The following DGKI variants were observed in gnomAD, a reference collection of about 807,000 sequenced individuals.
DGKI encodes the protein DAG kinase iota.
In DGKI, 55 loss-of-function variants were observed where a neutral mutation model predicts 147.5. The observed-to-expected ratio is 0.37, with a 90% CI of 0.30 to 0.47. The LOEUF is 0.47. DGKI is among the 20% of genes least tolerant of loss of function. The pLI is 1.00. For synonymous variants in DGKI, 469 were observed against 477.1 expected (o/e 0.98, Z 0.22); for missense variants, 1,007 against 1,323.8 (o/e 0.76, Z 3.71).
rs1378717541 is a variant in DGKI, at chr7:137,387,597, T to C, written c.*3623A>G. The C allele has an allele frequency of 6.6e-6, 1 of 152,198 alleles. No homozygotes were observed. The highest frequency in any genetic ancestry group is 1.9e-4 in the East Asian group (1 of 5,192). The allele number at this position is 152,198 out of a possible 1,614,324, so 9.4% of individuals were successfully genotyped here. A position where few individuals can be genotyped will look rare whatever the true frequency, so the allele number is the denominator to read the frequency against. Reference sequence around the variant, plus strand: ...AAATGTATATGCGTATATACATACATACTTGTGCATGAACGGATGGGGTAT... The same window carrying C: ...AAATGTATATGCGTATATACATACACACTTGTGCATGAACGGATGGGGTAT... On this transcript the variant is annotated 3_prime_UTR_variant, in exon 33 of 33. Coordinates refer to ENST00000614521, the MANE Select transcript of DGKI (RefSeq NM_001321708.2).
At chr7:137,624,988 G>T (rs1396665320) in intron 6 of DGKI, among the ~76,000 whole-genome samples, 1 of 152,116 alleles carries the variant, frequency 6.6e-6, no homozygotes, top group Non-Finnish European at 1.5e-5. Flanking sequence ...AGACAACCAG[G>T]ACTGGTTTCA....
intron 1 of DGKI, among the ~76,000 whole-genome samples, chr7:137,746,261 T>C (rs1795325967): frequency 6.6e-6 from 1 of 152,318 alleles, no homozygotes; most frequent in South Asian, 2.1e-4. Context: ...TTTTGGGTGA[T>C]GGAGCTGGAC....
Position 137,399,525 on chromosome 7 carries a change from C to A in DGKI, c.2921-2112G>T, listed in dbSNP as rs550161638. Reference sequence around the variant, plus strand: ...AATCCCAGCTCTATATAGACTAGGTCTTGGCCAAGTCTAATTAATCTCTCA... The same window carrying A: ...AATCCCAGCTCTATATAGACTAGGTATTGGCCAAGTCTAATTAATCTCTCA... On this transcript the variant is annotated intron_variant, in intron 30 of 32. Coordinates refer to ENST00000614521, the MANE Select transcript of DGKI (RefSeq NM_001321708.2). Among the ~76,000 whole-genome samples the A allele has an allele frequency of 3.3e-5, 5 of 152,262 alleles. No individual in the cohort carries two copies. In the South Asian group the frequency reaches 1.0e-3, roughly 32 times the overall value.
At chr7:137,443,988 A>G (rs763678538) in intron 28 of DGKI, 89 bp downstream of exon 28, 254 of 1,113,294 alleles carry the variant, frequency 2.3e-4, no homozygotes, top group Admixed American at 4.4e-4. Flanking sequence ...ACATTTGCTT[A>G]AACAATTATT....
At chr7:137,777,033 A>AT (rs929472233) in intron 1 of DGKI, among the ~76,000 whole-genome samples, 23 of 151,792 alleles carry the variant, frequency 1.5e-4, no homozygotes, top group Admixed American at 1.4e-3. Context: ...AAAAAAAAAA[A>AT]TTTTTTTTAA....
At chr7:137,831,983 G>A (rs1453545501) in intron 1 of DGKI, among the ~76,000 whole-genome samples, 1 of 152,232 alleles carries the variant, frequency 6.6e-6, no homozygotes, top group Non-Finnish European at 1.5e-5. Context: ...AAATCTTAAA[G>A]CTTAAAATGA....
intron 21 of DGKI, among the ~76,000 whole-genome samples, chr7:137,498,167 A>G (rs1241859822): frequency 6.6e-6 from 1 of 151,842 alleles, no homozygotes; most frequent in Non-Finnish European, 1.5e-5. Context: ...GAAAATAAAA[A>G]TTTGATAAAA....
intron 8 of DGKI, among the ~76,000 whole-genome samples, chr7:137,617,124 C>CAAAAAAAAAAAAA (rs60654879): frequency 2.1e-5 from 1 of 48,130 alleles, no homozygotes; most frequent in Non-Finnish European, 4.8e-5. Context: ...TCCCTTTTAC[C>CAAAAAAAAAAAAA]AAAAAAAAAA....
intron 6 of DGKI, among the ~76,000 whole-genome samples, chr7:137,638,659 CAT>C (rs1554446670): frequency 4.7e-5 from 3 of 64,154 alleles, no homozygotes; most frequent in South Asian, 5.3e-4. Flanking sequence ...TATATACACA[CAT>C]ATGTATATAT....
At chr7:137,722,394 C>G (rs189498499) in intron 1 of DGKI, 32 of 1,611,984 alleles carry the variant, frequency 2.0e-5, no homozygotes, top group Non-Finnish European at 2.5e-5. Context: ...TCAGTCAGCA[C>G]GTGAGAAAAC....
chr7:137,661,055 T>A (rs1373489829), intron 3 of DGKI, among the ~76,000 whole-genome samples: 1 of 152,148 alleles, frequency 6.6e-6, no homozygotes, highest in East Asian at 1.9e-4. Context: ...CAAGGCTGGC[T>A]GTCCCCTTCT....
At chr7:137,511,081 A>G (rs1474055783) in intron 21 of DGKI, among the ~76,000 whole-genome samples, 1 of 152,238 alleles carries the variant, frequency 6.6e-6, no homozygotes, top group Admixed American at 6.5e-5. Flanking sequence ...TAACTAGTGC[A>G]TAAAATTGTG....
chr7:137,692,637 A>C (rs1042228269), intron 1 of DGKI, among the ~76,000 whole-genome samples: 41 of 152,316 alleles, frequency 2.7e-4, no homozygotes, highest in African/African-American at 9.4e-4. Context: ...GAAATAATCA[A>C]ATTAGGATTC....
At position 137,750,272 on chromosome 7, in the gene DGKI, C is replaced by T. The variant is rs76167165; in HGVS notation, c.402-60270G>A. Among the ~76,000 whole-genome samples the T allele has an allele frequency of 6.6e-3, 1,003 of 152,212 alleles. 9 individuals carry two copies. The highest frequency in any genetic ancestry group is 0.023 in the African/African-American group (965 of 41,538). On this transcript the variant is annotated intron_variant, in intron 1 of 32. Transcript: ENST00000614521. ...AGCTGGTGAGTAGGTAGTGCTGAGG[C>T]CTAGATGCAGGTCTTCCTACTCCTG...
intron 28 of DGKI, among the ~76,000 whole-genome samples, chr7:137,429,491 G>A (rs924342946): frequency 6.7e-6 from 1 of 149,756 alleles, no homozygotes; most frequent in African/African-American, 2.4e-5. Flanking sequence ...ACATAGGCAT[G>A]GGCAAGGACT....
At chr7:137,601,632 G>A (rs975624945) in intron 10 of DGKI, among the ~76,000 whole-genome samples, 6 of 152,214 alleles carry the variant, frequency 3.9e-5, no homozygotes, top group Non-Finnish European at 4.4e-5. Context: ...GGGTGAGTAT[G>A]AGAATTAAGT....
At chr7:137,456,807 A>G (rs1814223415) in intron 27 of DGKI, among the ~76,000 whole-genome samples, 1 of 152,132 alleles carries the variant, frequency 6.6e-6, no homozygotes, top group Non-Finnish European at 1.5e-5. Context: ...TTTTTCTTTC[A>G]ATGTCAGTCA....
chr7:137,601,192 A>G (rs1462934086), intron 10 of DGKI, among the ~76,000 whole-genome samples: 1 of 151,950 alleles, frequency 6.6e-6, no homozygotes, highest in African/African-American at 2.4e-5. Flanking sequence ...AAGGGCATGA[A>G]CCCAGGAGGC....
At chr7:137,609,147 C>A in intron 9 of DGKI, 83 bp from the exon 10 acceptor site, 1 of 1,030,034 alleles carries the variant, frequency 9.7e-7, no homozygotes, top group East Asian at 2.4e-5. Context: ...GAAAACCACC[C>A]AATAATACAT....
Sources: allele counts gnomAD v4.1 joint callset (sites outside exome capture counted in the v4.1 genomes callset), GRCh38; gene constraint gnomAD v4.1.1; transcripts MANE v1.5; gene names NCBI Gene and HGNC (gene_info 2026-07-23, HGNC 2026-07-21).